The following RAB3C variants were observed in gnomAD, a reference collection of about 807,000 sequenced individuals.
RAB3C encodes RAB3C, member RAS oncogene family.
A neutral mutation model predicts 26.4 loss-of-function variants in RAB3C; 17 were observed. That is an observed-to-expected ratio of 0.64 (90% CI 0.44 to 0.97). The LOEUF is 0.97. Ranked by LOEUF, RAB3C falls within the 50% of genes least tolerant of loss-of-function variation. The pLI is 0.00. For missense variants in RAB3C, 242 were observed against 281.9 expected, an observed-to-expected ratio of 0.86 and a Z score of 1.01; for synonymous variants, 91 against 95.9, an observed-to-expected ratio of 0.95 and a Z score of 0.30.
intron 2 of RAB3C, among the ~76,000 whole-genome samples, chr5:58,621,065 G>T (rs1464878369): frequency 2.0e-5 from 3 of 152,132 alleles, no homozygotes; most frequent in Non-Finnish European, 4.4e-5. Context: ...TCATCTCATT[G>T]TGCTTTAATA....
At chr5:58,830,882 T>C (rs1408074123) in intron 4 of RAB3C, among the ~76,000 whole-genome samples, 3 of 151,866 alleles carry the variant, frequency 2.0e-5, no homozygotes, top group Non-Finnish European at 4.4e-5. Context: ...AATAGGTCTT[T>C]TTTTTTTAGA....
At chr5:58,742,293 G>T (rs1197113596) in intron 3 of RAB3C, among the ~76,000 whole-genome samples, 1 of 152,178 alleles carries the variant, frequency 6.6e-6, no homozygotes, top group Non-Finnish European at 1.5e-5. Flanking sequence ...GCTAAGGCCA[G>T]TATGACAGGG....
chr5:58,657,664 T>C (rs192951791), intron 2 of RAB3C, among the ~76,000 whole-genome samples: 227 of 152,276 alleles, frequency 1.5e-3, no homozygotes, highest in African/African-American at 5.2e-3. Flanking sequence ...AGGCCTTATA[T>C]ATAGGCTGTG....
intron 2 of RAB3C, among the ~76,000 whole-genome samples, chr5:58,698,324 G>A (rs1326921335): frequency 1.3e-5 from 2 of 152,172 alleles, no homozygotes; most frequent in Non-Finnish European, 2.9e-5. Flanking sequence ...CCCTTTGAGG[G>A]TAACCTGACC....
intron 3 of RAB3C, among the ~76,000 whole-genome samples, chr5:58,815,583 A>G (rs1743197667): frequency 6.6e-6 from 1 of 152,176 alleles, no homozygotes; most frequent in African/African-American, 2.4e-5. Context: ...GCTGCCAGCA[A>G]CACACCCTAA....
At chr5:58,682,516 C>T (rs1297657203) in intron 2 of RAB3C, among the ~76,000 whole-genome samples, 1 of 151,860 alleles carries the variant, frequency 6.6e-6, no homozygotes, top group East Asian at 1.9e-4. Context: ...AACCCTGTCT[C>T]TATTAAAAAT....
intron 3 of RAB3C, among the ~76,000 whole-genome samples, chr5:58,755,277 A>T (rs558956013): frequency 6.6e-6 from 1 of 152,344 alleles, no homozygotes; most frequent in African/African-American, 2.4e-5. Context: ...GTAAGCCTGA[A>T]CTAATCTGAT....
At position 58,856,455 on chromosome 5, in the gene RAB3C, T is replaced by A. The variant is rs897694854; in HGVS notation, c.*5104T>A. ...ACTGCAGTTTTTCAAAACACTATCC[T>A]CATGGAATGACAGGACCAAGAATAG... On this transcript the variant is annotated 3_prime_UTR_variant, in exon 5 of 5. Coordinates refer to ENST00000282878, the MANE Select transcript of RAB3C (RefSeq NM_138453.4). 1 of 152,106 alleles carries A rather than the reference T, an allele frequency of 6.6e-6. No homozygotes were observed. The highest frequency in any genetic ancestry group is 2.4e-5 in the African/African-American group (1 of 41,426). 9.4% of individuals were successfully genotyped at this position (152,106 alleles called of 1,614,324 possible).
chr5:58,700,142 C>A (rs1748811325), intron 2 of RAB3C, among the ~76,000 whole-genome samples: 1 of 152,180 alleles, frequency 6.6e-6, no homozygotes, highest in Non-Finnish European at 1.5e-5. Context: ...GAAAGGTAGA[C>A]CCCATCTATA....
intron 2 of RAB3C, among the ~76,000 whole-genome samples, chr5:58,630,038 T>C (rs1226809855): frequency 1.3e-5 from 2 of 152,180 alleles, no homozygotes; most frequent in Non-Finnish European, 2.9e-5. Flanking sequence ...GTTGTCTATT[T>C]GTACGTTGAG....
intron 2 of RAB3C, among the ~76,000 whole-genome samples, chr5:58,646,921 G>A (rs1747534742): frequency 6.6e-6 from 1 of 152,170 alleles, no homozygotes; most frequent in Non-Finnish European, 1.5e-5. Context: ...AATCAGCTAA[G>A]GAGAATAGTA....
At chr5:58,767,439 G>T (rs995003731) in intron 3 of RAB3C, among the ~76,000 whole-genome samples, 2 of 152,092 alleles carry the variant, frequency 1.3e-5, no homozygotes, top group African/African-American at 4.8e-5. Context: ...TTGAGCACCT[G>T]CTCTGTGTCA....
At chr5:58,797,392 T>C (rs1172722509) in intron 3 of RAB3C, among the ~76,000 whole-genome samples, 1 of 124,466 alleles carries the variant, frequency 8.0e-6, no homozygotes, top group Non-Finnish European at 1.6e-5. Context: ...TATATATATA[T>C]ATATACACAG....
At chr5:58,644,605 G>A (rs1056798049) in intron 2 of RAB3C, among the ~76,000 whole-genome samples, 5 of 152,180 alleles carry the variant, frequency 3.3e-5, no homozygotes, top group Non-Finnish European at 7.3e-5. Flanking sequence ...TAGAGGTCAA[G>A]ATTAAAGATT....
intron 2 of RAB3C, among the ~76,000 whole-genome samples, chr5:58,690,707 T>C (rs1748553786): frequency 6.6e-6 from 1 of 152,170 alleles, no homozygotes; most frequent in Non-Finnish European, 1.5e-5. Context: ...CAGGTCTACT[T>C]TCTGCTTAGG....
chr5:58,601,619 C>A (rs1411951186), intron 1 of RAB3C, among the ~76,000 whole-genome samples: 2 of 151,834 alleles, frequency 1.3e-5, no homozygotes, highest in Non-Finnish European at 2.9e-5. Flanking sequence ...CTAAGTTTTC[C>A]AGTTTACGTG....
At chr5:58,603,453 T>C (rs1746499005) in intron 1 of RAB3C, among the ~76,000 whole-genome samples, 1 of 152,174 alleles carries the variant, frequency 6.6e-6, no homozygotes, top group Non-Finnish European at 1.5e-5. Flanking sequence ...CTGATTATTC[T>C]AAGGTTTGGT....
intron 2 of RAB3C, among the ~76,000 whole-genome samples, chr5:58,639,438 G>C (rs1220690262): frequency 6.6e-6 from 1 of 152,168 alleles, no homozygotes; most frequent in Admixed American, 6.5e-5. Context: ...CAGGATACCT[G>C]TGCCAGCAGA....
intron 4 of RAB3C, among the ~76,000 whole-genome samples, chr5:58,848,024 T>A (rs188049006): frequency 1.3e-5 from 2 of 152,218 alleles, no homozygotes; most frequent in East Asian, 3.9e-4. Flanking sequence ...GCCTGGCTAA[T>A]TTTTGTATTT....
Sources: gnomAD v4.1 joint callset for allele counts (sites outside exome capture counted in the v4.1 genomes callset) on GRCh38, gnomAD v4.1.1 for gene constraint, MANE v1.5 for transcripts, NCBI Gene and HGNC (gene_info 2026-07-23, HGNC 2026-07-21) for gene names.